SYNE2: variants seen among roughly 807,000 people sequenced by gnomAD.
SYNE2 encodes spectrin repeat containing nuclear envelope protein 2, also known as nesprin-2.
Under a neutral mutation model 856.3 loss-of-function variants are expected in SYNE2, and 431 were observed. That is an observed-to-expected ratio of 0.50 (90% CI 0.47 to 0.55). The LOEUF is 0.55. Among genes scored for constraint, SYNE2 ranks in the 20% least tolerant of loss-of-function variants. The pLI is 0.00. For missense variants in SYNE2, 8,129 were observed against 8,023.2 expected, an observed-to-expected ratio of 1.01 and a Z score of -0.50; for synonymous variants, 2,923 against 2,872.3, an observed-to-expected ratio of 1.02 and a Z score of -0.56.
upstream of SYNE2, among the ~76,000 whole-genome samples, chr14:63,761,692 C>T (rs1294405610): frequency 6.6e-6 from 1 of 152,140 alleles, no homozygotes; most frequent in African/African-American, 2.4e-5. Context: ...ATGTCCTTTT[C>T]GGCTTTATGA....
At chr14:64,103,827 A>C (rs981868929) in intron 64 of SYNE2, among the ~76,000 whole-genome samples, 1 of 152,092 alleles carries the variant, frequency 6.6e-6, no homozygotes, top group African/African-American at 2.4e-5. Flanking sequence ...CCCTTTCTCC[A>C]TGCCTCTCTG....
At chr14:64,013,323 A>ATTTTTTTTTTTTTTTTTTTTTTTTTTTTT (rs57074861) in intron 32 of SYNE2, among the ~76,000 whole-genome samples, 1 of 136,280 alleles carries the variant, frequency 7.3e-6, no homozygotes. Context: ...TCCTCATTAA[A>ATTTTTTTTTTTTTTTTTTTTTTTTTTTTT]TTTTTTTTTT....
rs372360775 is a variant in SYNE2, at chr14:64,119,617, A to G, written c.13023+8A>G. ...AAGCACAGTGAAGATCAGGTAAAAAATGACTATCTATGGACATTCATCTTG... is the reference window on the plus strand; with the variant it reads ...AAGCACAGTGAAGATCAGGTAAAAAGTGACTATCTATGGACATTCATCTTG... On this transcript the variant is annotated splice_region_variant and intron_variant, in intron 67 of 115. Coordinates refer to ENST00000555002, the MANE Select transcript of SYNE2 (RefSeq NM_182914.3). The G allele has an allele frequency of 2.4e-5, 38 of 1,613,804 alleles. No homozygotes were observed. The African/African-American group carries it at 2.9e-4, about 12-fold the overall frequency.
chr14:64,006,371 C>G lies in SYNE2; in HGVS notation c.4398-672C>G, dbSNP rs1272563981. 5.1e-5 allele frequency among the ~76,000 whole-genome samples: 3 copies of G among 58,564 alleles called. No individual in the cohort carries two copies. The East Asian group carries it at 1.6e-3, about 31-fold the overall frequency. 38.4% of individuals were successfully genotyped at this position (58,564 alleles called of 152,430 possible). ...TGGTCATTCACCTTCTCCTCTTCTCCTATATCATGCTGTCTTCCCCCTACA... is the reference window on the plus strand; with the variant it reads ...TGGTCATTCACCTTCTCCTCTTCTCGTATATCATGCTGTCTTCCCCCTACA... On this transcript the variant is annotated intron_variant, in intron 30 of 115. Coordinates refer to ENST00000555002, the MANE Select transcript of SYNE2 (RefSeq NM_182914.3).
chr14:63,788,811 C>T (rs1280883075), intron 1 of SYNE2, among the ~76,000 whole-genome samples: 1 of 152,174 alleles, frequency 6.6e-6, no homozygotes, highest in Non-Finnish European at 1.5e-5. Flanking sequence ...GAGTTTCCCC[C>T]AGAACTAAAA....
Position 64,056,236 on chromosome 14 carries a change from C to T in SYNE2, c.10037C>T (p.Ala3346Val). Residue 3346 changes from alanine to valine, a missense_variant, in exon 49 of 116, where the codon GCT becomes GTT. Transcript: ENST00000555002. ...LVSKNSAMKE[A>V]FKAQETEAER... ...TCTAAGAACTCAGCAATGAAGGAAG[C>T]TTTCAAAGCACAGGAAACTGAGGCA... The T allele has an allele frequency of 1.2e-6, 2 of 1,614,068 alleles. No homozygotes were observed. Among genetic ancestry groups the T allele is most frequent in the East Asian group, 2.2e-5 (1 of 44,882 alleles).
At chr14:64,037,977 C>T (rs1358713102) in intron 45 of SYNE2, among the ~76,000 whole-genome samples, 12 of 151,718 alleles carry the variant, frequency 7.9e-5, no homozygotes, top group South Asian at 2.1e-4. Flanking sequence ...GGGCGGCTGC[C>T]GGGCGGAGAC....
At chr14:63,810,746 A>C (rs1193081018) in intron 1 of SYNE2, among the ~76,000 whole-genome samples, 6 of 152,226 alleles carry the variant, frequency 3.9e-5, no homozygotes, top group African/African-American at 1.2e-4. Context: ...TATAGCTTAT[A>C]GCAATTTAGT....
intron 51 of SYNE2, among the ~76,000 whole-genome samples, chr14:64,066,327 C>T (rs1360813203): frequency 6.6e-6 from 1 of 151,908 alleles, no homozygotes; most frequent in Non-Finnish European, 1.5e-5. Context: ...GAGTGAACCC[C>T]ATCTCTACAA....
chr14:63,769,418 C>CA (rs1260414463), intron 1 of SYNE2, among the ~76,000 whole-genome samples: 1 of 151,986 alleles, frequency 6.6e-6, no homozygotes, highest in Non-Finnish European at 1.5e-5. Flanking sequence ...CCTGTAATCC[C>CA]GCACTTTGGG....
chr14:64,092,814 G>T (rs1326867719), intron 60 of SYNE2, among the ~76,000 whole-genome samples: 1 of 152,118 alleles, frequency 6.6e-6, no homozygotes, highest in Non-Finnish European at 1.5e-5. Context: ...TGAACCCTCA[G>T]CCTCTTACTC....
chr14:63,909,156 C>A lies in SYNE2; in HGVS notation c.8C>A (p.Ser3Tyr). 1 of 1,610,764 alleles carries A rather than the reference C, an allele frequency of 6.2e-7. No homozygotes were observed. The highest frequency in any genetic ancestry group is 8.5e-7 in the Non-Finnish European group (1 of 1,177,296). The change falls in exon 2 of 116, where the codon TCT becomes TAT. Residue 3 changes from serine to tyrosine, a missense_variant. This residue lies in a region of SYNE2 where 2,422 missense variants were observed against 2,357.4 expected (regional missense o/e 1.03). Coordinates refer to ENST00000555002, the MANE Select transcript of SYNE2 (RefSeq NM_182914.3). ...TCTCCATTGAGTCAAAGAATGGCAT[C>A]TAGTCCTGAGCTTCCCACCGAAGAT... The part of the protein sequence containing the change: MA[S>Y]SPELPTEDEQ...
intron 1 of SYNE2, among the ~76,000 whole-genome samples, chr14:63,885,467 T>G (rs1319739866): frequency 6.6e-6 from 1 of 152,250 alleles, no homozygotes; most frequent in African/African-American, 2.4e-5. Flanking sequence ...ATGGCACTCT[T>G]GCATTGCCTG....
chr14:64,053,360 G>A lies in SYNE2; in HGVS notation c.9447G>A (p.Leu3149=). The part of the protein sequence containing the change: ...NMVLELSPKE[L]DEKNCQDKLE... ...TATTAGAACTCTCACCAAAAGAATT[G>A]GATGAAAAGAATTGTCAGGACAAAC... The change falls in exon 48 of 116, where the codon TTG becomes TTA. Residue 3149 remains leucine (L), a synonymous_variant. Coordinates refer to ENST00000555002, the MANE Select transcript of SYNE2 (RefSeq NM_182914.3). 1 of 1,613,492 alleles carries A rather than the reference G, an allele frequency of 6.2e-7. No individual in the cohort carries two copies.
intron 1 of SYNE2, among the ~76,000 whole-genome samples, chr14:63,837,041 A>C (rs1889880912): frequency 6.6e-6 from 1 of 152,210 alleles, no homozygotes; most frequent in African/African-American, 2.4e-5. Flanking sequence ...TTACTATTAT[A>C]AGTAATGCTG....
chr14:64,081,186 G>A (rs945999112), intron 56 of SYNE2, among the ~76,000 whole-genome samples: 3 of 152,156 alleles, frequency 2.0e-5, no homozygotes, highest in Non-Finnish European at 2.9e-5. Flanking sequence ...TACTTGCAAG[G>A]CTAACCCAGA....
chr14:63,971,806 C>G (rs1328953508), intron 11 of SYNE2, among the ~76,000 whole-genome samples: 2 of 151,836 alleles, frequency 1.3e-5, no homozygotes, highest in Non-Finnish European at 2.9e-5. Flanking sequence ...CTACATATGT[C>G]TTTATTTTGC....
chr14:64,134,127 T>G lies in SYNE2; in HGVS notation c.14573T>G (p.Ile4858Arg). Reference sequence around the variant, plus strand: ...CTTGAAAAGGACCTGGAAATTCTTATATCTACATTGCCCTCTGTGAGTTTG... The same window carrying G: ...CTTGAAAAGGACCTGGAAATTCTTAGATCTACATTGCCCTCTGTGAGTTTG... ...ASLEKDLEIL[I>R]STLPSVSLVE... The change falls in exon 78 of 116, where the codon ATA becomes AGA. Residue 4858 changes from isoleucine to arginine, a missense_variant. Around this residue, in one of 3 missense-constraint regions of SYNE2, gnomAD observed 5,410 missense variants for 5,284.8 expected, o/e 1.02. Coordinates refer to ENST00000555002, the MANE Select transcript of SYNE2 (RefSeq NM_182914.3). The G allele has an allele frequency of 6.2e-7, 1 of 1,614,044 alleles. No homozygotes were observed. Among genetic ancestry groups the G allele is most frequent in the Non-Finnish European group, 8.5e-7 (1 of 1,179,878 alleles).
At position 64,051,782 on chromosome 14, in the gene SYNE2, G is replaced by A. The variant is rs1261915820; in HGVS notation, c.7869G>A (p.Val2623=). The A allele has an allele frequency of 6.2e-7, 1 of 1,614,136 alleles. No homozygotes were observed. Residue 2623 remains valine (V), a synonymous_variant, in exon 48 of 116, where the codon GTG becomes GTA. Coordinates refer to ENST00000555002, the MANE Select transcript of SYNE2 (RefSeq NM_182914.3). ...AAAAGAAGTATTCTCAGCAGGTAGTGGAATATGATGAATTTACAACCCTCA... is the reference window on the plus strand; with the variant it reads ...AAAAGAAGTATTCTCAGCAGGTAGTAGAATATGATGAATTTACAACCCTCA... ...QIQKKYSQQV[V]EYDEFTTLMN... is the part of the protein sequence containing the mutation.
Sources: gnomAD v4.1 joint callset for allele counts (sites outside exome capture counted in the v4.1 genomes callset) on GRCh38, gnomAD v4.1.1 for gene constraint, gnomAD v4.1.1 regional missense constraint, MANE v1.5 for transcripts, NCBI Gene and HGNC (gene_info 2026-07-23, HGNC 2026-07-21) for gene names.